Variants in UBE3C observed in about 807,000 individuals in gnomAD.
UBE3C encodes ubiquitin protein ligase E3C.
A neutral mutation model predicts 129.4 loss-of-function variants in UBE3C; 42 were observed. That is an observed-to-expected ratio of 0.32 (90% CI 0.25 to 0.42). The LOEUF (loss-of-function observed/expected upper bound fraction) is 0.42. Among genes scored for constraint, UBE3C ranks in the 10% least tolerant of loss-of-function variants. UBE3C has a pLI of 1.00. For synonymous variants in UBE3C, 510 were observed against 492.4 expected, an observed-to-expected ratio of 1.04 and a Z score of -0.47; for missense variants, 1,049 against 1,319.1, an observed-to-expected ratio of 0.80 and a Z score of 3.17.
chr7:157,266,098 A>G (rs947192507), intron 22 of UBE3C, among the ~76,000 whole-genome samples: 1 of 152,128 alleles, frequency 6.6e-6, no homozygotes, highest in Non-Finnish European at 1.5e-5. Flanking sequence ...GTGGATCACG[A>G]GGTCAGGAGA....
At chr7:157,248,982 T>C (rs964072631) in intron 19 of UBE3C, among the ~76,000 whole-genome samples, 2 of 152,178 alleles carry the variant, frequency 1.3e-5, no homozygotes, top group African/African-American at 2.4e-5. Flanking sequence ...AGGGGGTGTG[T>C]TCATTACCCA....
rs376811709 is a variant in UBE3C at position 157,267,703 on chromosome 7, G to A, written c.3200G>A (p.Arg1067Gln). 51 of 1,613,394 alleles carry A rather than the reference G, an allele frequency of 3.2e-5. No homozygotes were observed. Among genetic ancestry groups the A allele is most frequent in the African/African-American group, 2.4e-4 (18 of 74,886 alleles). The change falls in exon 23 of 23, where the codon CGA (arginine) becomes CAA (glutamine). Residue 1067 changes from arginine to glutamine, a missense_variant. Arg to Gln is a conservative substitution (Grantham distance 43). Transcript: ENST00000348165. ...GAGTTCTATGACGAGACACTTTTGC[G>A]AAGTAAACTTCTCTATGCGATTGAA... ...LPEFYDETLL[R>Q]SKLLYAIECA...
chr7:157,201,151 T>C (rs1809268047), intron 10 of UBE3C, among the ~76,000 whole-genome samples: 1 of 151,540 alleles, frequency 6.6e-6, no homozygotes, highest in African/African-American at 2.4e-5. Flanking sequence ...TTGTGAAACC[T>C]CATCTCTACT....
rs1325345913 is a variant in UBE3C, at chr7:157,178,994, C to T, written c.616+147C>T. The stretch of plus-strand genomic sequence containing the variant: ...ACGCCTTGTGCTCCATCCACAGGTG[C>T]CCACCAGAGTCCCAGATTCCAAAAT... On this transcript the variant is annotated intron_variant, in intron 6 of 22. Transcript: ENST00000348165. The T allele has an allele frequency of 4.3e-6, 4 of 934,974 alleles. No individual in the cohort carries two copies. The African/African-American group carries it at 6.7e-5, about 16-fold the overall frequency. 57.9% of individuals were successfully genotyped at this position (934,974 alleles called of 1,614,324 possible). A position where few individuals can be genotyped will look rare whatever the true frequency, so the allele number is the denominator to read the frequency against.
chr7:157,225,691 A>G lies in UBE3C; in HGVS notation c.2233+152A>G, dbSNP rs1795856707. On this transcript the variant is annotated intron_variant, in intron 17 of 22. Coordinates refer to ENST00000348165, the MANE Select transcript of UBE3C (RefSeq NM_014671.3). The stretch of plus-strand genomic sequence containing the variant: ...AGGCTGGGCATGGCAGCTCACACCT[A>G]TAATCCCAGCACTTTGGGAGGCTGA... The G allele has an allele frequency of 1.1e-5, 10 of 914,358 alleles. No homozygotes were observed. The South Asian group carries it at 1.3e-4, about 12-fold the overall frequency. The allele number at this position is 914,358 out of a possible 1,614,324, so 56.6% of individuals were successfully genotyped here.
rs1435161186 is a variant in UBE3C at position 157,254,329 on chromosome 7, T to G, written c.2950+19T>G. ...TATTCAGGTATGTTATCACTGCTAG[T>G]TATTGTTTCTGAAAATGTTGCAGGT... On this transcript the variant is annotated intron_variant, in intron 21 of 22. Coordinates refer to ENST00000348165, the MANE Select transcript of UBE3C (RefSeq NM_014671.3). The G allele has an allele frequency of 7.0e-7, 1 of 1,419,576 alleles. No individual in the cohort carries two copies. The highest frequency in any genetic ancestry group is 2.5e-5 in the Admixed American group (1 of 40,616). 87.9% of individuals were successfully genotyped at this position (1,419,576 alleles called of 1,614,324 possible).
Position 157,248,536 on chromosome 7 carries a change from G to T in UBE3C, c.2650G>T (p.Gly884Trp). 4.3e-6 allele frequency: 7 copies of T among 1,612,780 alleles called. No homozygotes were observed. The highest frequency in any genetic ancestry group is 5.9e-6 in the Non-Finnish European group (7 of 1,180,032). ...CTACGAAGACGATGTGGAGGAGCTTGGGCTGAACTTCACTGTGGTGAACAA... is the reference window on the plus strand; with the variant it reads ...CTACGAAGACGATGTGGAGGAGCTTTGGCTGAACTTCACTGTGGTGAACAA... Reference protein sequence around the residue: ...KSYEDDVEELGLNFTVVNNDL... With the variant: ...KSYEDDVEELWLNFTVVNNDL... Residue 884 changes from glycine to tryptophan, a missense_variant, in exon 19 of 23, where the codon GGG becomes TGG. By Grantham distance (184) the Gly-to-Trp change is radical. Around this residue, in one of 4 missense-constraint regions of UBE3C, gnomAD observed 243 missense variants for 368.7 expected, o/e 0.66. Transcript: ENST00000348165.
intron 14 of UBE3C, 63 bp downstream of exon 14, chr7:157,217,034 G>C (rs1249619970): frequency 1.5e-6 from 2 of 1,323,228 alleles, no homozygotes; most frequent in Non-Finnish European, 2.1e-6. Flanking sequence ...GTGTCTTTCT[G>C]GAGAGAAGAA....
At position 157,171,757 on chromosome 7, in the gene UBE3C, A is replaced by AATG. The variant is rs537887917; in HGVS notation, c.342+1308_342+1310dup. Among the ~76,000 whole-genome samples the AATG allele has an allele frequency of 2.6e-4, 32 of 120,930 alleles. 1 individual carries two copies. The South Asian group carries it at 8.9e-3, about 34-fold the overall frequency. 79.3% of individuals were successfully genotyped at this position (120,930 alleles called of 152,430 possible). A position where few individuals can be genotyped will look rare whatever the true frequency, so the allele number is the denominator to read the frequency against. Reference sequence around the variant, plus strand: ...AGTCTTGCTCTGTCACCCAGGCTGGAATGCAGTGGCATCATCTCGGCTCAC... The same window carrying AATG: ...AGTCTTGCTCTGTCACCCAGGCTGGAATGATGCAGTGGCATCATCTCGGCTCAC... On this transcript the variant is annotated intron_variant, in intron 4 of 22. Coordinates refer to ENST00000348165, the MANE Select transcript of UBE3C (RefSeq NM_014671.3).
chr7:157,202,995 CATA>C (rs1427743806), intron 11 of UBE3C, among the ~76,000 whole-genome samples: 2 of 152,166 alleles, frequency 1.3e-5, no homozygotes, highest in Non-Finnish European at 2.9e-5. Flanking sequence ...TGTGTGCAGT[CATA>C]ATGAAAACTC....
rs566474623 is a variant in UBE3C at position 157,235,171 on chromosome 7, A to C, written c.2481+3844A>C. Among the ~76,000 whole-genome samples, 27 of 152,284 alleles carry C rather than the reference A, an allele frequency of 1.8e-4. 1 individual carries two copies. The highest frequency in any genetic ancestry group is 3.4e-3 in the Middle Eastern group (1 of 294). On this transcript the variant is annotated intron_variant, in intron 18 of 22. Coordinates refer to ENST00000348165, the MANE Select transcript of UBE3C (RefSeq NM_014671.3). The stretch of plus-strand genomic sequence containing the variant: ...TACCATTGCACTCCAGCCTGGCAAC[A>C]AGAGCAAAACTCTGTCTCAAATTAA...
At chr7:157,139,375 G>T (rs749577117) in intron 1 of UBE3C, 37 bp downstream of exon 1, 3 of 1,530,900 alleles carry the variant, frequency 2.0e-6, no homozygotes, top group Non-Finnish European at 2.6e-6. Flanking sequence ...TCGGCTCGGG[G>T]CCTGCGCGGC....
chr7:157,216,825 C>T (rs1400301495), intron 13 of UBE3C, 42 bp from the exon 14 acceptor site: 1 of 1,491,632 alleles, frequency 6.7e-7, no homozygotes, highest in Non-Finnish European at 9.3e-7. Context: ...CATTGTGCTG[C>T]CGAGCTCACG....
rs115046229 is a variant in UBE3C, at chr7:157,176,208, G to A, written c.458+1174G>A. ...GCCCAGGAGTTCGAGGCTGCAGTGA[G>A]CTGTGATTGTGCTACTGAACTCCAG... is the stretch of plus-strand genomic sequence containing the variant. On this transcript the variant is annotated intron_variant, in intron 5 of 22. Coordinates refer to ENST00000348165, the MANE Select transcript of UBE3C (RefSeq NM_014671.3). 3.7e-3 allele frequency among the ~76,000 whole-genome samples: 571 copies of A among 152,302 alleles called. 4 individuals carry two copies. The highest frequency in any genetic ancestry group is 0.013 in the African/African-American group (550 of 41,580).
intron 18 of UBE3C, among the ~76,000 whole-genome samples, chr7:157,244,123 G>A (rs111832463): frequency 4.8e-4 from 73 of 152,220 alleles, no homozygotes; most frequent in African/African-American, 1.7e-3. Flanking sequence ...CCAGCTGCTC[G>A]CGAGGCTGAG....
At chr7:157,225,577 G>A (rs756424379) in intron 17 of UBE3C, 38 bp downstream of exon 17, 5 of 1,516,678 alleles carry the variant, frequency 3.3e-6, no homozygotes, top group Admixed American at 4.9e-5. Context: ...TTGGCAGGTG[G>A]AGGCTAGGGA....
intron 18 of UBE3C, among the ~76,000 whole-genome samples, chr7:157,242,311 A>G (rs981156289): frequency 1.1e-4 from 17 of 152,208 alleles, no homozygotes; most frequent in African/African-American, 3.9e-4. Flanking sequence ...AGGGAAACAT[A>G]GTACCTGATG....
chr7:157,195,995 T>C (rs1809108925), intron 10 of UBE3C, among the ~76,000 whole-genome samples: 3 of 152,090 alleles, frequency 2.0e-5, no homozygotes, highest in African/African-American at 7.2e-5. Flanking sequence ...GTAATTAAGG[T>C]TACTATGGAT....
chr7:157,227,608 G>A (rs1300517557), intron 17 of UBE3C, among the ~76,000 whole-genome samples: 1 of 152,000 alleles, frequency 6.6e-6, no homozygotes, highest in Non-Finnish European at 1.5e-5. Flanking sequence ...GCTGAGGCAG[G>A]AGAATGGCAT....
Sources: allele counts gnomAD v4.1 joint callset (sites outside exome capture counted in the v4.1 genomes callset), GRCh38; gene constraint gnomAD v4.1.1; regional missense constraint gnomAD v4.1.1; transcripts MANE v1.5; gene names NCBI Gene and HGNC (gene_info 2026-07-23, HGNC 2026-07-21).